The following GRIK2 variants were observed in gnomAD, a reference collection of about 807,000 sequenced individuals.
GRIK2 encodes glutamate receptor ionotropic, kainate 2.
Under a neutral mutation model 100.3 loss-of-function variants are expected in GRIK2, and 32 were observed. The observed-to-expected ratio is 0.32, with a 90% CI of 0.24 to 0.43. The LOEUF is 0.43. Ranked by LOEUF, GRIK2 falls within the 20% of genes least tolerant of loss-of-function variation. The pLI is 1.00. For missense variants in GRIK2, 843 were observed against 1,114.9 expected (o/e 0.76, Z 3.47); for synonymous variants, 417 against 389.4 (o/e 1.07, Z -0.83).
chr6:101,926,195 GTTTTTTT>G (rs35007201), intron 13 of GRIK2, among the ~76,000 whole-genome samples: 2 of 127,582 alleles, frequency 1.6e-5, no homozygotes, highest in African/African-American at 6.0e-5. Flanking sequence ...GGGTCCAAGG[GTTTTTTT>G]TTTTTTTTTT....
chr6:101,453,657 A>AT (rs1263724816), intron 2 of GRIK2, among the ~76,000 whole-genome samples: 1 of 151,784 alleles, frequency 6.6e-6, no homozygotes, highest in Non-Finnish European at 1.5e-5. Context: ...CTTTTTTGTG[A>AT]TTTTTCAGTC....
chr6:101,690,997 A>G (rs1772052428), intron 7 of GRIK2, among the ~76,000 whole-genome samples: 1 of 152,122 alleles, frequency 6.6e-6, no homozygotes, highest in Non-Finnish European at 1.5e-5. Context: ...TTTTCAATAG[A>G]CTGTTAGCTC....
At chr6:101,523,862 G>A (rs944982613) in intron 2 of GRIK2, among the ~76,000 whole-genome samples, 1 of 151,878 alleles carries the variant, frequency 6.6e-6, no homozygotes, top group African/African-American at 2.4e-5. Flanking sequence ...TGGGATTACA[G>A]GTGCTCACCA....
chr6:101,704,335 G>A (rs1773107282), intron 7 of GRIK2, among the ~76,000 whole-genome samples: 1 of 151,844 alleles, frequency 6.6e-6, no homozygotes, highest in South Asian at 2.1e-4. Flanking sequence ...TGAAAATGTG[G>A]ATTGAAGTTC....
intron 11 of GRIK2, 115 bp from the exon 12 acceptor site, chr6:101,889,525 G>A (rs1021758611): frequency 3.2e-6 from 2 of 620,302 alleles, no homozygotes; most frequent in Non-Finnish European, 2.8e-6. Flanking sequence ...GCAATTAAGT[G>A]TAAAGCCTTT....
chr6:101,892,169 A>G lies in GRIK2; in HGVS notation c.1748+2306A>G, dbSNP rs144701156. Among the ~76,000 whole-genome samples, 324 of 152,250 alleles carry G rather than the reference A, an allele frequency of 2.1e-3. 1 individual carries two copies. The highest frequency in any genetic ancestry group is 3.7e-3 in the Non-Finnish European group (249 of 68,000). On this transcript the variant is annotated intron_variant, in intron 12 of 16. Transcript: ENST00000369134. ...ACTGTGTGGGCATTAGTCAAGCTGA[A>G]TTAGGTCTAACAGTACTTTTCTGGA...
At chr6:101,541,931 T>C (rs557939938) in intron 2 of GRIK2, among the ~76,000 whole-genome samples, 1 of 152,216 alleles carries the variant, frequency 6.6e-6, no homozygotes, top group East Asian at 1.9e-4. Context: ...ATATGTACTA[T>C]TTCGTTACAG....
chr6:101,672,368 C>G (rs2128338390), intron 4 of GRIK2, among the ~76,000 whole-genome samples: 1 of 152,264 alleles, frequency 6.6e-6, no homozygotes, highest in African/African-American at 2.4e-5. Context: ...CACCCTCTCT[C>G]TCCAGATGCC....
intron 4 of GRIK2, among the ~76,000 whole-genome samples, chr6:101,646,366 C>T (rs1213289677): frequency 6.6e-6 from 1 of 151,884 alleles, no homozygotes; most frequent in African/African-American, 2.4e-5. Context: ...ACAAGATTTA[C>T]ATATGTTGCT....
chr6:101,998,546 C>T (rs1278143734), intron 14 of GRIK2, among the ~76,000 whole-genome samples: 2 of 151,806 alleles, frequency 1.3e-5, no homozygotes, highest in African/African-American at 4.8e-5. Flanking sequence ...AAATATTTGC[C>T]ATATTCAAAC....
At chr6:101,873,670 C>T (rs1203677939) in intron 11 of GRIK2, among the ~76,000 whole-genome samples, 1 of 152,038 alleles carries the variant, frequency 6.6e-6, no homozygotes, top group Non-Finnish European at 1.5e-5. Flanking sequence ...GGAATTGCCA[C>T]ACTGTCTTCC....
At position 101,791,470 on chromosome 6, in the gene GRIK2, G is replaced by A. The variant is rs548387879; in HGVS notation, c.952-8178G>A. Among the ~76,000 whole-genome samples, 307 of 152,264 alleles carry A rather than the reference G, an allele frequency of 2.0e-3. 3 individuals are homozygous for A. Among genetic ancestry groups the A allele is most frequent in the Non-Finnish European group, 1.7e-3 (116 of 68,008 alleles). ...CTGCCTTCATTTCGTTATGTACCCA[G>A]TAGTCATTCAGGAGCAGGTTGTTCA... On this transcript the variant is annotated intron_variant, in intron 7 of 16. Coordinates refer to ENST00000369134, the MANE Select transcript of GRIK2 (RefSeq NM_021956.5).
At chr6:101,919,740 C>T (rs1789371966) in intron 12 of GRIK2, among the ~76,000 whole-genome samples, 1 of 151,594 alleles carries the variant, frequency 6.6e-6, no homozygotes, top group African/African-American at 2.4e-5. Context: ...GGGTGCATGT[C>T]AGAAGTTCAA....
At chr6:101,894,853 TC>T (rs1787339782) in intron 12 of GRIK2, among the ~76,000 whole-genome samples, 1 of 151,668 alleles carries the variant, frequency 6.6e-6, no homozygotes, top group Non-Finnish European at 1.5e-5. Context: ...GGTCTAGGGT[TC>T]TTAGCAGTTT....
At chr6:101,508,941 G>A (rs137893615) in intron 2 of GRIK2, among the ~76,000 whole-genome samples, 2,474 of 152,134 alleles carry the variant, frequency 0.016, 47 homozygotes, top group African/African-American at 0.049. Context: ...GGATCATGAG[G>A]GCAGGAGATC....
intron 9 of GRIK2, among the ~76,000 whole-genome samples, chr6:101,804,908 G>A (rs1219584871): frequency 2.0e-5 from 3 of 152,014 alleles, no homozygotes; most frequent in African/African-American, 7.2e-5. Flanking sequence ...ACAAAATGCT[G>A]CTAAGTAGCA....
rs578142047 is a variant in GRIK2, at chr6:101,799,586, C to T, written c.952-62C>T. 72 of 1,354,326 alleles carry T rather than the reference C, an allele frequency of 5.3e-5. No individual in the cohort carries two copies. The South Asian group carries it at 7.8e-4, about 15-fold the overall frequency. 83.9% of individuals were successfully genotyped at this position (1,354,326 alleles called of 1,614,324 possible). A position where few individuals can be genotyped will look rare whatever the true frequency, so the allele number is the denominator to read the frequency against. On this transcript the variant is annotated intron_variant, in intron 7 of 16. Coordinates refer to ENST00000369134, the MANE Select transcript of GRIK2 (RefSeq NM_021956.5). ...CCTCTTCCCTCTTCCTCCTTGCAAA[C>T]CATCTACCACAAGTTCTACAAGTTA...
chr6:101,698,276 A>C (rs1424576773), intron 7 of GRIK2, among the ~76,000 whole-genome samples: 1 of 152,152 alleles, frequency 6.6e-6, no homozygotes. Flanking sequence ...GAAATGGTCA[A>C]GAATCTACTC....
intron 7 of GRIK2, among the ~76,000 whole-genome samples, chr6:101,758,271 A>G (rs1380153797): frequency 1.3e-5 from 2 of 152,204 alleles, no homozygotes; most frequent in African/African-American, 4.8e-5. Context: ...TAGGTTGAGT[A>G]TAAAGTATAG....
Sources: allele counts gnomAD v4.1 joint callset (sites outside exome capture counted in the v4.1 genomes callset), GRCh38; gene constraint gnomAD v4.1.1; transcripts MANE v1.5; gene names NCBI Gene and HGNC (gene_info 2026-07-23, HGNC 2026-07-21).